AQP8: variants seen among roughly 807,000 people sequenced by gnomAD.
AQP8 encodes aquaporin 8, also known as aquaporin-8.
Under a neutral mutation model 26.1 loss-of-function variants are expected in AQP8, and 14 were observed. That is an observed-to-expected ratio of 0.54 (90% CI 0.35 to 0.84). The LOEUF (loss-of-function observed/expected upper bound fraction) is 0.84, where lower values mean the gene tolerates loss of function less well. Among genes scored for constraint, AQP8 ranks in the 40% least tolerant of loss-of-function variants. The probability of loss-of-function intolerance (pLI) is 0.01; values close to 1 mark genes in which losing one functional copy is unlikely to be tolerated. For synonymous variants in AQP8, 131 were observed against 150.7 expected (o/e 0.87, Z 0.96); for missense variants, 301 against 340.5 (o/e 0.88, Z 0.91).
Position 25,225,174 on chromosome 16 carries a change from G to A in AQP8, c.602+598G>A, listed in dbSNP as rs556165492. On this transcript the variant is annotated intron_variant, in intron 4 of 5. Transcript: ENST00000219660. The stretch of plus-strand genomic sequence containing the variant: ...CTTTTAATTTTTGTTGTAGAGATAG[G>A]GGTCACGCTCTGTTGCCCAGGCTGG... Among the ~76,000 whole-genome samples the A allele has an allele frequency of 2.6e-4, 39 of 152,298 alleles. No individual in the cohort carries two copies. The South Asian group carries it at 8.1e-3, about 32-fold the overall frequency.
chr16:25,224,299 T>A, intron 3 of AQP8, 63 bp from the exon 4 acceptor site: 3 of 1,505,076 alleles, frequency 2.0e-6, no homozygotes, highest in Non-Finnish European at 2.7e-6. Context: ...TTTTAGGCCC[T>A]CTCCCCTCAG....
rs1345212740 is a variant in AQP8 at position 25,217,399 on chromosome 16, C to T, written c.214C>T (p.His72Tyr). 6.2e-7 allele frequency: 1 copy of T among 1,614,114 alleles called. No individual in the cohort carries two copies. Among genetic ancestry groups the T allele is most frequent in the Admixed American group, 1.7e-5 (1 of 60,014 alleles). The change falls in exon 2 of 6, where the codon CAC becomes TAC. Residue 72 changes from histidine to tyrosine, a missense_variant. Coordinates refer to ENST00000219660, the MANE Select transcript of AQP8 (RefSeq NM_001169.3). ...TGGGCTGCTGCAGCCGGCCCTGGCCCACGGGCTGGCTTTGGGGCTCGTGAT... is the reference window on the plus strand; with the variant it reads ...TGGGCTGCTGCAGCCGGCCCTGGCCTACGGGCTGGCTTTGGGGCTCGTGAT... Reference protein sequence around the residue: ...DTGLLQPALAHGLALGLVIAT... With the variant: ...DTGLLQPALAYGLALGLVIAT...
In AQP8 at chr16:25,221,507, G is replaced by T; in HGVS notation, c.311G>T (p.Gly104Val). 3 of 1,614,098 alleles carry T rather than the reference G, an allele frequency of 1.9e-6. No homozygotes were observed. Among genetic ancestry groups the T allele is most frequent in the Non-Finnish European group, 2.5e-6 (3 of 1,180,016 alleles). Residue 104 changes from glycine to valine, a missense_variant, in exon 3 of 6, where the codon GGC (glycine) becomes GTC (valine). Coordinates refer to ENST00000219660, the MANE Select transcript of AQP8 (RefSeq NM_001169.3). ...TCCCTGGCAGCCATGCTGATCGGAG[G>T]CCTCAACCTGGTGATGCTCCTCCCG... ...AVSLAAMLIG[G>V]LNLVMLLPYW...
In AQP8 at chr16:25,224,539, T is replaced by C. The variant is rs1239667609; in HGVS notation, c.565T>C (p.Ser189Pro). 1 of 1,613,340 alleles carries C rather than the reference T, an allele frequency of 6.2e-7. No individual in the cohort carries two copies. Among genetic ancestry groups the C allele is most frequent in the Non-Finnish European group, 8.5e-7 (1 of 1,179,980 alleles). ...EKTKGPLAPFSIGFAVTVDIL... is the reference protein window; with the variant it reads ...EKTKGPLAPFPIGFAVTVDIL... ...GACAAAGGGCCCTCTGGCCCCGTTC[T>C]CCATCGGCTTTGCCGTCACCGTGGA... Residue 189 changes from serine (S) to proline (P), a missense_variant, in exon 4 of 6, where the codon TCC becomes CCC. Physicochemically the swap from Ser to Pro is moderately conservative, Grantham distance 74. Coordinates refer to ENST00000219660, the MANE Select transcript of AQP8 (RefSeq NM_001169.3).
In AQP8 at chr16:25,227,174, G is replaced by C; in HGVS notation, c.709G>C (p.Ala237Pro). The C allele has an allele frequency of 6.2e-7, 1 of 1,614,150 alleles. No individual in the cohort carries two copies. The highest frequency in any genetic ancestry group is 8.5e-7 in the Non-Finnish European group (1 of 1,180,048). Residue 237 changes from alanine (A) to proline (P), a missense_variant, in exon 5 of 6, where the codon GCT becomes CCT. Ala to Pro is a conservative substitution (Grantham distance 27). Transcript: ENST00000219660. The stretch of plus-strand genomic sequence containing the variant: ...GATCTACTGGCTGGGCCCACTCCTG[G>C]CTGGCCTGCTTGTTGGACTGCTCAT... ...HWIYWLGPLL[A>P]GLLVGLLIRC...
At chr16:25,226,235 A>G (rs576687117) in intron 4 of AQP8, among the ~76,000 whole-genome samples, 15 of 151,952 alleles carry the variant, frequency 9.9e-5, no homozygotes, top group Non-Finnish European at 2.1e-4. Flanking sequence ...CAATCCACTT[A>G]TACTCTTCGT....
At chr16:25,224,295 GCC>G (rs997519316) in intron 3 of AQP8, 65 bp from the exon 4 acceptor site, 7 of 1,476,816 alleles carry the variant, frequency 4.7e-6, no homozygotes, top group Admixed American at 2.3e-5. Flanking sequence ...CGTTTTTTAG[GCC>G]CTCTCCCCTC....
chr16:25,217,230 C>G lies in AQP8; in HGVS notation c.45C>G (p.Asp15Glu). 1.9e-6 allele frequency: 3 copies of G among 1,614,222 alleles called. No homozygotes were observed. Among genetic ancestry groups the G allele is most frequent in the Non-Finnish European group, 2.5e-6 (3 of 1,180,042 alleles). The part of the protein sequence containing the change: ...IAMCEPEFGN[D>E]KAREPSVGGR... ...TGTGTGAGCCTGAATTTGGCAATGA[C>G]AAGGCCAGGGAGCCGAGCGTGGGTG... The change falls in exon 2 of 6, where the codon GAC becomes GAG. Residue 15 changes from aspartate (D) to glutamate (E), a missense_variant. Physicochemically the swap from Asp to Glu is conservative, Grantham distance 45. Coordinates refer to ENST00000219660, the MANE Select transcript of AQP8 (RefSeq NM_001169.3).
chr16:25,220,595 T>G (rs939784813), intron 2 of AQP8, among the ~76,000 whole-genome samples: 1 of 152,176 alleles, frequency 6.6e-6, no homozygotes, highest in Non-Finnish European at 1.5e-5. Context: ...CCTAACCTGG[T>G]CATGAACCTC....
intron 2 of AQP8, 102 bp from the exon 3 acceptor site, chr16:25,221,355 C>G: frequency 4.0e-6 from 6 of 1,481,514 alleles, no homozygotes; most frequent in Non-Finnish European, 5.5e-6. Flanking sequence ...GACTCTTGCC[C>G]TGAGAGGCCA....
chr16:25,226,986 T>G (rs1342677897), intron 4 of AQP8, 82 bp from the exon 5 acceptor site: 1 of 1,598,268 alleles, frequency 6.3e-7, no homozygotes, highest in African/African-American at 1.3e-5. Flanking sequence ...GGTGTGTGAC[T>G]AGGCCTAGTT....
At chr16:25,226,618 G>A (rs1001484357) in intron 4 of AQP8, among the ~76,000 whole-genome samples, 5 of 152,152 alleles carry the variant, frequency 3.3e-5, no homozygotes, top group African/African-American at 1.2e-4. Flanking sequence ...CAAAGTAAAC[G>A]GGGTATTCAT....
chr16:25,227,145 A>G lies in AQP8; in HGVS notation c.680A>G (p.His227Arg). 1 of 1,614,016 alleles carries G rather than the reference A, an allele frequency of 6.2e-7. No individual in the cohort carries two copies. The highest frequency in any genetic ancestry group is 8.5e-7 in the Non-Finnish European group (1 of 1,180,008). The change falls in exon 5 of 6, where the codon CAC becomes CGC. Residue 227 changes from histidine to arginine, a missense_variant. By Grantham distance (29) the His-to-Arg change is conservative (BLOSUM62 0). Transcript: ENST00000219660. ...PAVVANHWNFHWIYWLGPLLA... is the reference protein window; with the variant it reads ...PAVVANHWNFRWIYWLGPLLA... ...GTGGTGGCCAACCACTGGAACTTCC[A>G]CTGGATCTACTGGCTGGGCCCACTC...
rs766950627 is a variant in AQP8 at position 25,224,357 on chromosome 16, T to C, written c.388-5T>C. Reference sequence around the variant, plus strand: ...ACTGTGAGGCTCAGCAGCTTCTCTGTGCAGGCGGTGAGTCCTGAGGAGAGG... The same window carrying C: ...ACTGTGAGGCTCAGCAGCTTCTCTGCGCAGGCGGTGAGTCCTGAGGAGAGG... On this transcript the variant is annotated splice_polypyrimidine_tract_variant and splice_region_variant and intron_variant, in intron 3 of 5. Transcript: ENST00000219660. 1.2e-6 allele frequency: 2 copies of C among 1,608,796 alleles called. No individual in the cohort carries two copies. Among genetic ancestry groups the C allele is most frequent in the South Asian group, 1.1e-5 (1 of 90,832 alleles).
In AQP8 at chr16:25,221,388, C is replaced by T. The variant is rs1431296285; in HGVS notation, c.261-69C>T. The T allele has an allele frequency of 5.1e-6, 8 of 1,579,564 alleles. No homozygotes were observed. The South Asian group carries it at 8.0e-5, about 16-fold the overall frequency. On this transcript the variant is annotated intron_variant, in intron 2 of 5. Transcript: ENST00000219660. ...CCAGCCTGGTGGGTTGGCTGGGACA[C>T]ACTGTCTCAAGTGCCAGCCATGTGG...
intron 2 of AQP8, 114 bp from the exon 3 acceptor site, chr16:25,221,343 C>T: frequency 7.5e-7 from 1 of 1,332,192 alleles, no homozygotes; most frequent in East Asian, 2.3e-5. Context: ...GGGCCCCGGA[C>T]TGACTCTTGC....
rs768611659 is a variant in AQP8 at position 25,217,437 on chromosome 16, G to A, written c.252G>A (p.Gly84=). 3.7e-6 allele frequency: 6 copies of A among 1,614,016 alleles called. 1 individual carries two copies. Among genetic ancestry groups the A allele is most frequent in the Non-Finnish European group, 4.2e-6 (5 of 1,179,988 alleles). ...LALGLVIATL[G]NISGGHFNPA... ...TGGGGCTCGTGATTGCCACGCTGGG[G>A]AATATCAGGTGAGACCAGCTCTGAG... Residue 84 remains glycine, a synonymous_variant, in exon 2 of 6, where the codon GGG becomes GGA. Transcript: ENST00000219660.
Position 25,228,921 on chromosome 16 carries a change from T to G in AQP8, c.*429T>G, listed in dbSNP as rs1199474516. 6.1e-6 allele frequency: 1 copy of G among 163,662 alleles called. No homozygotes were observed. The highest frequency in any genetic ancestry group is 2.4e-5 in the African/African-American group (1 of 41,696). 10.1% of individuals were successfully genotyped at this position (163,662 alleles called of 1,614,324 possible). On this transcript the variant is annotated 3_prime_UTR_variant, in exon 6 of 6. Transcript: ENST00000219660. ...TCTCACTTTGCAATAAATAGTCCAG[T>G]GTTTCCTTCCACGTGCTCACTGGCT...
intron 2 of AQP8, among the ~76,000 whole-genome samples, chr16:25,219,988 T>C (rs946011776): frequency 1.3e-5 from 2 of 151,674 alleles, no homozygotes; most frequent in African/African-American, 4.8e-5. Flanking sequence ...TGAGCCGAGA[T>C]TGCACCATTG....
Sources: gnomAD v4.1 joint callset for allele counts (sites outside exome capture counted in the v4.1 genomes callset) on GRCh38, gnomAD v4.1.1 for gene constraint, MANE v1.5 for transcripts, NCBI Gene and HGNC (gene_info 2026-07-23, HGNC 2026-07-21) for gene names.